The following BRAF variants were observed in gnomAD, a reference collection of about 807,000 sequenced individuals.
BRAF encodes the protein B-Raf proto-oncogene, serine/threonine kinase, also known as serine/threonine-protein kinase B-raf.
In BRAF, 16 loss-of-function variants were observed where a neutral mutation model predicts 104.6. The observed-to-expected ratio is 0.15, with a 90% CI of 0.10 to 0.23. The LOEUF (loss-of-function observed/expected upper bound fraction) is 0.23. Ranked by LOEUF, BRAF falls within the 10% of genes least tolerant of loss-of-function variation. The probability of loss-of-function intolerance (pLI) is 1.00; values close to 1 mark genes in which losing one functional copy is unlikely to be tolerated. For missense variants in BRAF, 541 were observed against 937.3 expected, an observed-to-expected ratio of 0.58 and a Z score of 5.52; for synonymous variants, 310 against 341.6, an observed-to-expected ratio of 0.91 and a Z score of 1.02.
chr7:140,817,658 A>G (rs1805016857), intron 3 of BRAF, among the ~76,000 whole-genome samples: 2 of 152,326 alleles, frequency 1.3e-5, no homozygotes, highest in East Asian at 3.9e-4. Flanking sequence ...CAGTGAACTC[A>G]TTTTTGACAA....
chr7:140,880,767 G>T (rs1386085911), intron 1 of BRAF, among the ~76,000 whole-genome samples: 2 of 151,526 alleles, frequency 1.3e-5, no homozygotes, highest in African/African-American at 4.9e-5. Flanking sequence ...CCAGGAGTTT[G>T]TGAGACTAGC....
At chr7:140,920,893 C>G (rs1313898180) in intron 1 of BRAF, among the ~76,000 whole-genome samples, 1 of 152,148 alleles carries the variant, frequency 6.6e-6, no homozygotes, top group Non-Finnish European at 1.5e-5. Context: ...ACAGCAATAG[C>G]CAAAACTGCA....
rs1302859672 is a variant in BRAF at position 140,721,627 on chromosome 7, A to G, written c.*4867T>C. Reference sequence around the variant, plus strand: ...CAAGCTACAAATCATCACCTGAGGCAGAGATGCTACTACCCTCTTCTGGGG... The same window carrying G: ...CAAGCTACAAATCATCACCTGAGGCGGAGATGCTACTACCCTCTTCTGGGG... On this transcript the variant is annotated 3_prime_UTR_variant, in exon 20 of 20. Coordinates refer to ENST00000644969, the MANE Select transcript of BRAF (RefSeq NM_001374258.1). 6.5e-7 allele frequency: 1 copy of G among 1,535,818 alleles called. No individual in the cohort carries two copies.
intron 1 of BRAF, among the ~76,000 whole-genome samples, chr7:140,867,372 T>C (rs966953226): frequency 2.0e-5 from 3 of 152,218 alleles, no homozygotes; most frequent in African/African-American, 7.2e-5. Context: ...AACTTTAAGA[T>C]AATTCCAATT....
Position 140,904,079 on chromosome 7 carries a change from C to A in BRAF, c.138+20487G>T, listed in dbSNP as rs141596956. On this transcript the variant is annotated intron_variant, in intron 1 of 19. Coordinates refer to ENST00000644969, the MANE Select transcript of BRAF (RefSeq NM_001374258.1). The stretch of plus-strand genomic sequence containing the variant: ...TTACATAGAATTAGTTGATGAAGCA[C>A]TGGCAGATCTGAGAGGACTGACTCT... Among the ~76,000 whole-genome samples the A allele has an allele frequency of 1.6e-3, 246 of 152,352 alleles. 1 individual carries two copies. The highest frequency in any genetic ancestry group is 0.014 in the Middle Eastern group (4 of 294).
chr7:140,739,914 A>T lies in BRAF; in HGVS notation c.2145T>A (p.Ser715=), dbSNP rs1477086075. The T allele has an allele frequency of 6.2e-7, 1 of 1,613,750 alleles. No individual in the cohort carries two copies. Among genetic ancestry groups the T allele is most frequent in the Non-Finnish European group, 8.5e-7 (1 of 1,179,914 alleles). ...TACTCCGTACCTTACTGAGATCTGG[A>T]GACAGGTATCCTCGTCCCACCATAA... is the stretch of plus-strand genomic sequence containing the variant. ...IIFMVGRGYL[S]PDLSKVRSNC... Residue 715 remains serine, a synonymous_variant, in exon 18 of 20, where the codon TCT becomes TCA. Transcript: ENST00000644969.
Position 140,845,770 on chromosome 7 carries a change from T to C in BRAF, c.240+4341A>G, listed in dbSNP as rs532637349. On this transcript the variant is annotated intron_variant, in intron 2 of 19. Transcript: ENST00000644969. ...CTCGGCTCACTGCAACCTCTTCTCC[T>C]GGATTCAAGCGATTCTCCTGCCTCA... is the stretch of plus-strand genomic sequence containing the variant. 1.1e-4 allele frequency among the ~76,000 whole-genome samples: 16 copies of C among 152,216 alleles called. No individual in the cohort carries two copies. In the South Asian group the frequency reaches 1.5e-3, roughly 14 times the overall value.
At chr7:140,817,036 T>A (rs1804959732) in intron 3 of BRAF, among the ~76,000 whole-genome samples, 1 of 151,798 alleles carries the variant, frequency 6.6e-6, no homozygotes, top group South Asian at 2.1e-4. Flanking sequence ...TTGTGGATAA[T>A]ATGATCTTAT....
intron 17 of BRAF, among the ~76,000 whole-genome samples, chr7:140,743,984 T>C (rs1299908829): frequency 1.3e-5 from 2 of 152,230 alleles, no homozygotes; most frequent in Non-Finnish European, 2.9e-5. Context: ...CTCAGATGAT[T>C]GAGTGATATA....
Position 140,724,518 on chromosome 7 carries a change from C to A in BRAF, c.*1976G>T. The A allele has an allele frequency of 9.5e-7, 1 of 1,047,956 alleles. No homozygotes were observed. Among genetic ancestry groups the A allele is most frequent in the Non-Finnish European group, 1.2e-6 (1 of 868,380 alleles). The allele number at this position is 1,047,956 out of a possible 1,614,324, so 64.9% of individuals were successfully genotyped here. A position where few individuals can be genotyped will look rare whatever the true frequency, so the allele number is the denominator to read the frequency against. On this transcript the variant is annotated 3_prime_UTR_variant, in exon 20 of 20. Coordinates refer to ENST00000644969, the MANE Select transcript of BRAF (RefSeq NM_001374258.1). The stretch of plus-strand genomic sequence containing the variant: ...GCCCTGCTGATGTAAAACTTAAAAA[C>A]AAATTTGCTTTTCAAACTGATTAAT...
chr7:140,773,637 G>A (rs1156469427), intron 14 of BRAF, among the ~76,000 whole-genome samples: 1 of 152,212 alleles, frequency 6.6e-6, no homozygotes, highest in Non-Finnish European at 1.5e-5. Flanking sequence ...TAGGGATGGA[G>A]CAGTTACCTG....
intron 19 of BRAF, among the ~76,000 whole-genome samples, chr7:140,727,922 G>A (rs1433938943): frequency 1.3e-5 from 2 of 152,078 alleles, no homozygotes; most frequent in Admixed American, 1.3e-4. Flanking sequence ...TGCCCGGCCA[G>A]CCATATCACT....
intron 19 of BRAF, among the ~76,000 whole-genome samples, chr7:140,727,588 T>C (rs1795677995): frequency 6.6e-6 from 1 of 152,144 alleles, no homozygotes; most frequent in African/African-American, 2.4e-5. Context: ...AGTTAATAAC[T>C]GACAATTAAC....
chr7:140,784,353 C>T (rs1425045603), intron 10 of BRAF, among the ~76,000 whole-genome samples: 2 of 152,094 alleles, frequency 1.3e-5, no homozygotes, highest in African/African-American at 2.4e-5. Context: ...AGAGCACAAT[C>T]CATTTTCTAC....
At chr7:140,898,438 A>T (rs1430415006) in intron 1 of BRAF, among the ~76,000 whole-genome samples, 1 of 152,260 alleles carries the variant, frequency 6.6e-6, no homozygotes, top group African/African-American at 2.4e-5. Context: ...AAAAACAAAT[A>T]GCATAATCTA....
intron 19 of BRAF, among the ~76,000 whole-genome samples, chr7:140,729,210 G>A (rs1183046633): frequency 6.6e-6 from 1 of 152,064 alleles, no homozygotes; most frequent in Non-Finnish European, 1.5e-5. Context: ...ACTCCAGCCT[G>A]AGTAACGAAA....
At chr7:140,816,852 T>C (rs1234203497) in intron 3 of BRAF, among the ~76,000 whole-genome samples, 2 of 151,824 alleles carry the variant, frequency 1.3e-5, no homozygotes, top group Non-Finnish European at 2.9e-5. Context: ...ACAGCTAGAA[T>C]CATAATTAAT....
At chr7:140,882,391 T>TTG (rs1563014522) in intron 1 of BRAF, among the ~76,000 whole-genome samples, 2 of 145,188 alleles carry the variant, frequency 1.4e-5, no homozygotes, top group African/African-American at 2.5e-5. Flanking sequence ...TTTTTTTTTT[T>TTG]GTGAGATGGA....
intron 14 of BRAF, among the ~76,000 whole-genome samples, chr7:140,762,068 C>T (rs1161705633): frequency 6.6e-6 from 1 of 152,146 alleles, no homozygotes; most frequent in Admixed American, 6.5e-5. Flanking sequence ...CTCTCCACCC[C>T]AAATCAACAG....
Sources: allele counts gnomAD v4.1 joint callset (sites outside exome capture counted in the v4.1 genomes callset), GRCh38; gene constraint gnomAD v4.1.1; transcripts MANE v1.5; gene names NCBI Gene and HGNC (gene_info 2026-07-23, HGNC 2026-07-21).